SFMBT1: variants seen among roughly 807,000 people sequenced by gnomAD.
SFMBT1 encodes the protein scm-like with four MBT domains protein 1.
Under a neutral mutation model 108.7 loss-of-function variants are expected in SFMBT1, and 32 were observed. That is an observed-to-expected ratio of 0.29 (90% CI 0.22 to 0.40). The LOEUF (loss-of-function observed/expected upper bound fraction) is 0.40. Among genes scored for constraint, SFMBT1 ranks in the 10% least tolerant of loss-of-function variants. The pLI is 1.00. For missense variants in SFMBT1, 816 were observed against 1,059.6 expected, an observed-to-expected ratio of 0.77 and a Z score of 3.19; for synonymous variants, 348 against 369.5, an observed-to-expected ratio of 0.94 and a Z score of 0.67.
chr3:53,017,171 A>C (rs1699153540), intron 1 of SFMBT1, among the ~76,000 whole-genome samples: 1 of 152,240 alleles, frequency 6.6e-6, no homozygotes, highest in Non-Finnish European at 1.5e-5. Flanking sequence ...ACTAAGGCTA[A>C]GAAACACACC....
intron 3 of SFMBT1, among the ~76,000 whole-genome samples, chr3:52,950,130 A>AT (rs1703522212): frequency 6.6e-6 from 1 of 152,110 alleles, no homozygotes; most frequent in African/African-American, 2.4e-5. Context: ...AATATCTACC[A>AT]TATATGTTAG....
chr3:53,023,972 A>G lies in SFMBT1; in HGVS notation c.-131+21844T>C, dbSNP rs550279325. 6.6e-5 allele frequency among the ~76,000 whole-genome samples: 10 copies of G among 152,318 alleles called. No homozygotes were observed. The East Asian group carries it at 1.9e-3, about 29-fold the overall frequency. On this transcript the variant is annotated intron_variant, in intron 1 of 20. Transcript: ENST00000394752. ...AATTCTTAGTGAGCAACTACTATGG[A>G]CCAGATGCTGTTCTAGGTACTGCAG...
Position 52,943,341 on chromosome 3 carries a change from G to A in SFMBT1, c.364+12C>T. 4 of 1,614,104 alleles carry A rather than the reference G, an allele frequency of 2.5e-6. No individual in the cohort carries two copies. The highest frequency in any genetic ancestry group is 3.4e-6 in the Non-Finnish European group (4 of 1,179,976). On this transcript the variant is annotated intron_variant, in intron 4 of 20. Transcript: ENST00000394752. ...AAATCACGTCACGTCTTGATAGGAA[G>A]TATTTCATTACCTTCTGGGGCTTCA...
At chr3:53,044,751 G>C (rs531868277) in intron 1 of SFMBT1, among the ~76,000 whole-genome samples, 1 of 152,302 alleles carries the variant, frequency 6.6e-6, no homozygotes, top group South Asian at 2.1e-4. Flanking sequence ...ACAGATCACT[G>C]CTAACAGGAC....
intron 1 of SFMBT1, among the ~76,000 whole-genome samples, chr3:53,025,939 G>A (rs1375988026): frequency 6.6e-6 from 1 of 152,174 alleles, no homozygotes; most frequent in African/African-American, 2.4e-5. Flanking sequence ...GTCAGCACTT[G>A]AAAACTGATT....
chr3:52,914,223 C>T (rs1044239451), intron 14 of SFMBT1, among the ~76,000 whole-genome samples: 1 of 152,048 alleles, frequency 6.6e-6, no homozygotes, highest in African/African-American at 2.4e-5. Flanking sequence ...TCAATACTGT[C>T]CTTCAATTTA....
At position 52,931,242 on chromosome 3, in the gene SFMBT1, T is replaced by A. The variant is rs1051931031; in HGVS notation, c.701-207A>T. Among the ~76,000 whole-genome samples the A allele has an allele frequency of 2.0e-5, 3 of 152,232 alleles. No homozygotes were observed. In the South Asian group the frequency reaches 6.2e-4, roughly 31 times the overall value. On this transcript the variant is annotated intron_variant, in intron 6 of 20. Coordinates refer to ENST00000394752, the MANE Select transcript of SFMBT1 (RefSeq NM_016329.4). Reference sequence around the variant, plus strand: ...GCAGAGCCTGGACAGCTTGGCTCTATGAAAATACCTACAGTAAGATCATAA... The same window carrying A: ...GCAGAGCCTGGACAGCTTGGCTCTAAGAAAATACCTACAGTAAGATCATAA...
At chr3:52,968,795 G>A (rs1240402282) in intron 2 of SFMBT1, among the ~76,000 whole-genome samples, 3 of 151,994 alleles carry the variant, frequency 2.0e-5, no homozygotes, top group Non-Finnish European at 2.9e-5. Flanking sequence ...GGGTTTCACC[G>A]TGTTAGCCAG....
At position 52,932,142 on chromosome 3, in the gene SFMBT1, T is replaced by C. The variant is rs772649976; in HGVS notation, c.620A>G (p.His207Arg). 6.2e-7 allele frequency: 1 copy of C among 1,614,166 alleles called. No individual in the cohort carries two copies. Among genetic ancestry groups the C allele is most frequent in the South Asian group, 1.1e-5 (1 of 91,082 alleles). Residue 207 changes from histidine (H) to arginine (R), a missense_variant, in exon 6 of 21, where the codon CAT (histidine) becomes CGT (arginine). His to Arg is a conservative substitution (Grantham distance 29, BLOSUM62 0). Transcript: ENST00000394752. Reference sequence around the variant, plus strand: ...AAATGGATCCAAGTAATACAACCAATGTTCATAATTGTCAGAACTTTCAAG... The same window carrying C: ...AAATGGATCCAAGTAATACAACCAACGTTCATAATTGTCAGAACTTTCAAG... ...EGLESSDNYE[H>R]WLYYLDPFLH...
At chr3:52,980,314 CAA>C (rs1408385511) in intron 1 of SFMBT1, among the ~76,000 whole-genome samples, 1 of 151,624 alleles carries the variant, frequency 6.6e-6, no homozygotes, top group Non-Finnish European at 1.5e-5. Flanking sequence ...GCCTTGAGCT[CAA>C]GTGTTGCGAC....
chr3:52,939,269 T>C (rs1703111806), intron 4 of SFMBT1, among the ~76,000 whole-genome samples: 1 of 152,232 alleles, frequency 6.6e-6, no homozygotes, highest in Admixed American at 6.5e-5. Context: ...TTTATTTCTG[T>C]AAGGTTTACC....
chr3:53,022,535 A>C (rs1041026175), intron 1 of SFMBT1, among the ~76,000 whole-genome samples: 1 of 152,086 alleles, frequency 6.6e-6, no homozygotes, highest in Non-Finnish European at 1.5e-5. Flanking sequence ...AGAATGAAGA[A>C]GCAAAATACA....
intron 1 of SFMBT1, among the ~76,000 whole-genome samples, chr3:53,026,369 G>A (rs949585237): frequency 8.6e-5 from 13 of 151,876 alleles, no homozygotes; most frequent in Non-Finnish European, 1.8e-4. Context: ...ATATTTTATT[G>A]TACTAGAAAG....
chr3:53,031,026 C>A (rs550277292), intron 1 of SFMBT1, among the ~76,000 whole-genome samples: 1 of 152,298 alleles, frequency 6.6e-6, no homozygotes, highest in Non-Finnish European at 1.5e-5. Context: ...GGGGCAGGGG[C>A]AAGGGAGATG....
chr3:52,954,788 A>C (rs1703725686), intron 2 of SFMBT1, among the ~76,000 whole-genome samples: 1 of 152,104 alleles, frequency 6.6e-6, no homozygotes, highest in Non-Finnish European at 1.5e-5. Flanking sequence ...TTTCAAACTT[A>C]AATTTTCAAC....
chr3:52,997,063 A>G (rs1315077092), intron 1 of SFMBT1, among the ~76,000 whole-genome samples: 3 of 146,718 alleles, frequency 2.0e-5, no homozygotes, highest in East Asian at 2.0e-4. Context: ...AGCGAGACTC[A>G]GTCTCAAAAA....
In SFMBT1 at chr3:53,012,786, CAT is replaced by C. The variant is rs926125116; in HGVS notation, c.-131+33028_-131+33029del. On this transcript the variant is annotated intron_variant, in intron 1 of 20. Transcript: ENST00000394752. Reference sequence around the variant, plus strand: ...AAGTCAAAGGTTAGGGCCTACATATCATATGATTCAAGGTAATGCAATTATGG... The same window carrying C: ...AAGTCAAAGGTTAGGGCCTACATATCATGATTCAAGGTAATGCAATTATGG... Among the ~76,000 whole-genome samples the C allele has an allele frequency of 8.6e-4, 130 of 151,780 alleles. 6 individuals carry two copies. The highest frequency in any genetic ancestry group is 3.0e-3 in the African/African-American group (122 of 41,064).
At chr3:52,971,468 C>G (rs570167410) in intron 1 of SFMBT1, among the ~76,000 whole-genome samples, 1 of 152,216 alleles carries the variant, frequency 6.6e-6, no homozygotes, top group South Asian at 2.1e-4. Context: ...TAAATGTGCT[C>G]TCTTCCCTCA....
At chr3:52,981,390 T>C (rs1193016337) in intron 1 of SFMBT1, among the ~76,000 whole-genome samples, 1 of 151,922 alleles carries the variant, frequency 6.6e-6, no homozygotes, top group African/African-American at 2.4e-5. Flanking sequence ...TGAGACAGGG[T>C]CTTGTTCTGT....
Sources: gnomAD v4.1 joint callset for allele counts (sites outside exome capture counted in the v4.1 genomes callset) on GRCh38, gnomAD v4.1.1 for gene constraint, MANE v1.5 for transcripts, NCBI Gene and HGNC (gene_info 2026-07-23, HGNC 2026-07-21) for gene names.